Variants in PRKCE observed in about 807,000 individuals in gnomAD.
PRKCE encodes protein kinase C epsilon type.
Under a neutral mutation model 85.4 loss-of-function variants are expected in PRKCE, and 16 were observed. The ratio of observed to expected loss-of-function variants is 0.19; its 90% CI spans 0.13 to 0.28. The LOEUF is 0.28. Ranked by LOEUF, PRKCE falls within the 10% of genes least tolerant of loss-of-function variation. PRKCE has a pLI of 1.00. For missense variants in PRKCE, 573 were observed against 975.2 expected (o/e 0.59, Z 5.49); for synonymous variants, 388 against 371.5 (o/e 1.04, Z -0.51).
chr2:46,114,856 T>C (rs2104270687), intron 11 of PRKCE, among the ~76,000 whole-genome samples: 1 of 152,280 alleles, frequency 6.6e-6, no homozygotes, highest in East Asian at 1.9e-4. Context: ...AATAGAGCAA[T>C]TGTCTGGATT....
chr2:45,884,032 G>C (rs1037123267), intron 2 of PRKCE, among the ~76,000 whole-genome samples: 1 of 152,212 alleles, frequency 6.6e-6, no homozygotes, highest in African/African-American at 2.4e-5. Context: ...CCTTGAGAGT[G>C]AGTGGCGTTG....
At position 45,984,689 on chromosome 2, in the gene PRKCE, C is replaced by T; in HGVS notation, c.823+9C>T. On this transcript the variant is annotated intron_variant, in intron 6 of 14. Transcript: ENST00000306156. Reference sequence around the variant, plus strand: ...GGGTTTGCAGTGTAAAGGTAAGTTGCTCCCTGCCCTGCCCTCAGCCCCTGC... The same window carrying T: ...GGGTTTGCAGTGTAAAGGTAAGTTGTTCCCTGCCCTGCCCTCAGCCCCTGC... 6.3e-7 allele frequency: 1 copy of T among 1,595,980 alleles called. No homozygotes were observed. The highest frequency in any genetic ancestry group is 8.5e-7 in the Non-Finnish European group (1 of 1,177,070).
At chr2:46,014,323 C>T (rs575302472) in intron 10 of PRKCE, among the ~76,000 whole-genome samples, 13 of 152,272 alleles carry the variant, frequency 8.5e-5, no homozygotes, top group African/African-American at 2.9e-4. Flanking sequence ...ACTTCTAATT[C>T]CAGTCAAGAT....
chr2:45,883,984 A>G (rs1695064370), intron 2 of PRKCE, among the ~76,000 whole-genome samples: 2 of 152,288 alleles, frequency 1.3e-5, no homozygotes, highest in African/African-American at 4.8e-5. Context: ...AGACTGCCCA[A>G]GGCCTTCTGG....
At chr2:45,977,438 A>T (rs762752436) in intron 3 of PRKCE, among the ~76,000 whole-genome samples, 7 of 151,922 alleles carry the variant, frequency 4.6e-5, no homozygotes, top group Admixed American at 6.6e-5. Flanking sequence ...GGAGTTTGAA[A>T]CCAGCCTGGT....
chr2:45,709,169 C>T (rs1299898549), intron 1 of PRKCE, among the ~76,000 whole-genome samples: 1 of 152,218 alleles, frequency 6.6e-6, no homozygotes, highest in Non-Finnish European at 1.5e-5. Context: ...CAATTCCCTT[C>T]TGGAAGAGGT....
intron 1 of PRKCE, among the ~76,000 whole-genome samples, chr2:45,746,677 T>C (rs373297785): frequency 6.6e-6 from 1 of 152,196 alleles, no homozygotes; most frequent in East Asian, 1.9e-4. Context: ...GTGTCCCGCC[T>C]TTCCCACAGC....
At chr2:45,887,107 T>A (rs907991080) in intron 2 of PRKCE, among the ~76,000 whole-genome samples, 1 of 152,246 alleles carries the variant, frequency 6.6e-6, no homozygotes, top group African/African-American at 2.4e-5. Flanking sequence ...TAATGGCTTA[T>A]AACAGAGTTG....
intron 1 of PRKCE, among the ~76,000 whole-genome samples, chr2:45,741,924 A>G (rs1293679193): frequency 1.3e-5 from 2 of 152,126 alleles, no homozygotes; most frequent in Non-Finnish European, 1.5e-5. Flanking sequence ...AATGCTTGTT[A>G]CCTGGTCAGC....
At chr2:46,072,652 T>A (rs1228838712) in intron 10 of PRKCE, among the ~76,000 whole-genome samples, 1 of 152,198 alleles carries the variant, frequency 6.6e-6, no homozygotes, top group African/African-American at 2.4e-5. Flanking sequence ...ATGCTTTAAA[T>A]GCTAGGCATT....
At chr2:45,681,237 C>T (rs764988922) in intron 1 of PRKCE, among the ~76,000 whole-genome samples, 9 of 128,236 alleles carry the variant, frequency 7.0e-5, no homozygotes, top group Admixed American at 9.8e-5. Flanking sequence ...TGCAGTGAGC[C>T]GAGATCACCC....
intron 2 of PRKCE, among the ~76,000 whole-genome samples, chr2:45,880,547 G>A (rs1156446335): frequency 6.6e-6 from 1 of 151,014 alleles, no homozygotes; most frequent in Admixed American, 6.6e-5. Flanking sequence ...TTTCTGCTTG[G>A]CATTTACCTC....
chr2:46,132,377 G>T (rs369031981), intron 11 of PRKCE, among the ~76,000 whole-genome samples: 58 of 152,204 alleles, frequency 3.8e-4, no homozygotes, highest in African/African-American at 1.3e-3. Flanking sequence ...TGCTTCCAAG[G>T]GACCAATAAT....
At chr2:45,878,188 C>T (rs1694617159) in intron 2 of PRKCE, among the ~76,000 whole-genome samples, 1 of 152,248 alleles carries the variant, frequency 6.6e-6, no homozygotes, top group African/African-American at 2.4e-5. Flanking sequence ...GACGAAACCC[C>T]TGGTGTTTCG....
At chr2:45,800,134 C>T (rs926207533) in intron 1 of PRKCE, among the ~76,000 whole-genome samples, 5 of 152,122 alleles carry the variant, frequency 3.3e-5, no homozygotes, top group Admixed American at 2.0e-4. Context: ...GTAGTGGTGG[C>T]GCAGGAGTGC....
At chr2:45,954,730 T>G (rs1395036589) in intron 2 of PRKCE, among the ~76,000 whole-genome samples, 1 of 152,224 alleles carries the variant, frequency 6.6e-6, no homozygotes, top group Non-Finnish European at 1.5e-5. Flanking sequence ...TGTCAAGAAA[T>G]GCAAGTACTT....
chr2:46,090,797 T>C (rs1299905499), intron 11 of PRKCE, among the ~76,000 whole-genome samples: 1 of 152,076 alleles, frequency 6.6e-6, no homozygotes, highest in Non-Finnish European at 1.5e-5. Context: ...AAGCTGTACA[T>C]ATGTGTTTCT....
intron 1 of PRKCE, among the ~76,000 whole-genome samples, chr2:45,840,161 G>A (rs559094344): frequency 1.4e-4 from 21 of 152,276 alleles, no homozygotes; most frequent in Admixed American, 4.6e-4. Flanking sequence ...GTCCACAGTC[G>A]TGGGAAATCT....
intron 2 of PRKCE, among the ~76,000 whole-genome samples, chr2:45,899,276 T>C (rs4952792): frequency 0.37 from 56,884 of 152,110 alleles, 11,092 homozygotes; most frequent in East Asian, 0.55. Context: ...CCTTTTGATA[T>C]TTATAGGCTT....
Sources: gnomAD v4.1 joint callset for allele counts (sites outside exome capture counted in the v4.1 genomes callset) on GRCh38, gnomAD v4.1.1 for gene constraint, MANE v1.5 for transcripts, NCBI Gene and HGNC (gene_info 2026-07-23, HGNC 2026-07-21) for gene names.